The following SPOCD1 variants were observed in gnomAD, a reference collection of about 807,000 sequenced individuals.
SPOCD1 encodes the protein SPOC domain containing 1.
SPOCD1 carries 64 observed loss-of-function variants against 92.2 expected under a neutral mutation model. That is an observed-to-expected ratio of 0.69 (90% CI 0.57 to 0.86). The LOEUF (loss-of-function observed/expected upper bound fraction) is 0.86, where lower values mean the gene tolerates loss of function less well. Among genes scored for constraint, SPOCD1 ranks in the 40% least tolerant of loss-of-function variants. The probability of loss-of-function intolerance (pLI) is 0.00; values close to 1 mark genes in which losing one functional copy is unlikely to be tolerated. For synonymous variants in SPOCD1, 578 were observed against 619.3 expected (o/e 0.93, Z 0.99); for missense variants, 1,360 against 1,543.1 (o/e 0.88, Z 1.99).
At position 31,806,290 on chromosome 1, in the gene SPOCD1, C is replaced by A. The variant is rs139243691; in HGVS notation, c.1384-4585G>T. Among the ~76,000 whole-genome samples, 356 of 152,048 alleles carry A rather than the reference C, an allele frequency of 2.3e-3. 1 individual carries two copies. The highest frequency in any genetic ancestry group is 7.7e-3 in the African/African-American group (319 of 41,488). ...ATATAAATATATACGGAATATTAAT[C>A]CTAATAACTAGAGAATACATATTAT... is the stretch of plus-strand genomic sequence containing the variant. On this transcript the variant is annotated intron_variant, in intron 2 of 15. Coordinates refer to ENST00000360482, the MANE Select transcript of SPOCD1 (RefSeq NM_144569.7).
Position 31,794,190 on chromosome 1 carries a change from C to T in SPOCD1, c.2317G>A (p.Ala773Thr), listed in dbSNP as rs34341430. 30,039 of 1,613,802 alleles carry T rather than the reference C, an allele frequency of 0.019. 326 individuals are homozygous for T. The highest frequency in any genetic ancestry group is 0.021 in the Non-Finnish European group (25,351 of 1,179,836). The change falls in exon 11 of 16, where the codon GCA becomes ACA. Residue 773 changes from alanine (A) to threonine (T), a missense_variant. Around this residue, in one of 3 missense-constraint regions of SPOCD1, gnomAD observed 614 missense variants for 757.8 expected, o/e 0.81. Transcript: ENST00000360482. ...TGCTGCCCCGTGGTGTCCTCTGATG[C>T]GATGGGCAGGGCCTGTGGGCTGCAG... ...MDCSPQALPI[A>T]SEDTTGQHDH...
intron 2 of SPOCD1, among the ~76,000 whole-genome samples, chr1:31,805,596 C>T (rs1648769830): frequency 6.6e-6 from 1 of 151,910 alleles, no homozygotes; most frequent in African/African-American, 2.4e-5. Context: ...GGCACAGTGG[C>T]ATGCACCCGT....
chr1:31,815,614 TGA>T (rs1570220162), intron 1 of SPOCD1: 2 of 356,960 alleles, frequency 5.6e-6, no homozygotes, highest in East Asian at 8.4e-5. Context: ...TTCTTGTCTC[TGA>T]GAGTTCACAC....
rs2149122516 is a variant in SPOCD1, at chr1:31,814,077, G to A, written c.1257C>T (p.Ser419=). Reference sequence around the variant, plus strand: ...CTTTCTTCAGGTTCTTAGTGCCCTTGGATCTTCTCTGCTCCATGAATGGGC... The same window carrying A: ...CTTTCTTCAGGTTCTTAGTGCCCTTAGATCTTCTCTGCTCCATGAATGGGC... ...CSGPFMEQRR[S]KGTKNLKKGP... is the part of the protein sequence containing the mutation. Residue 419 remains serine (S), a synonymous_variant, in exon 2 of 16, where the codon TCC becomes TCT. Transcript: ENST00000360482. The surrounding 1 kb of genome is among the most constrained non-coding windows in gnomAD (Gnocchi z 4.2). 1 of 1,613,718 alleles carries A rather than the reference G, an allele frequency of 6.2e-7. No individual in the cohort carries two copies.
chr1:31,792,487 C>T (rs759739759), intron 14 of SPOCD1, 86 bp from the exon 15 acceptor site: 1 of 1,425,058 alleles, frequency 7.0e-7, no homozygotes, highest in African/African-American at 1.4e-5. Flanking sequence ...CCCCTGAGAA[C>T]CCCGTGAGAA....
At chr1:31,810,045 C>T (rs1010375148) in intron 2 of SPOCD1, among the ~76,000 whole-genome samples, 1 of 152,178 alleles carries the variant, frequency 6.6e-6, no homozygotes, top group African/African-American at 2.4e-5. Context: ...ACTTCCCTTG[C>T]CTAGACCCAG....
chr1:31,795,719 C>T (rs1275439785), intron 10 of SPOCD1: 3 of 152,194 alleles, frequency 2.0e-5, no homozygotes, highest in Non-Finnish European at 4.4e-5. Context: ...GGATTTCTGT[C>T]GTTCACTGTC....
chr1:31,793,786 G>C lies in SPOCD1; in HGVS notation c.2495C>G (p.Pro832Arg). The C allele has an allele frequency of 6.2e-7, 1 of 1,614,148 alleles. No individual in the cohort carries two copies. Among genetic ancestry groups the C allele is most frequent in the Non-Finnish European group, 8.5e-7 (1 of 1,180,018 alleles). The change falls in exon 12 of 16, where the codon CCC (proline) becomes CGC (arginine). Residue 832 changes from proline (P) to arginine (R), a missense_variant. Coordinates refer to ENST00000360482, the MANE Select transcript of SPOCD1 (RefSeq NM_144569.7). ...CGTGGGAGACAACTCCCTGGTTTTG[G>C]GCATCTCTGGAGCAGGCATAGGAGT... ...SQTPMPAPEM[P>R]KTRELSPTEP...
rs756638266 is a variant in SPOCD1 at position 31,794,286 on chromosome 1, C to T, written c.2272-51G>A. On this transcript the variant is annotated intron_variant, in intron 10 of 15. Coordinates refer to ENST00000360482, the MANE Select transcript of SPOCD1 (RefSeq NM_144569.7). ...GGCTGAAAACGTGGCTGGGGGTGCCCGGAGGCCTCCATGGGTAGGGGGCCC... is the reference window on the plus strand; with the variant it reads ...GGCTGAAAACGTGGCTGGGGGTGCCTGGAGGCCTCCATGGGTAGGGGGCCC... 1.1e-5 allele frequency: 16 copies of T among 1,439,786 alleles called. No homozygotes were observed. The East Asian group carries it at 1.7e-4, about 15-fold the overall frequency. The allele number at this position is 1,439,786 out of a possible 1,614,324, so 89.2% of individuals were successfully genotyped here.
At chr1:31,807,158 G>C (rs1304255166) in intron 2 of SPOCD1, among the ~76,000 whole-genome samples, 1 of 149,214 alleles carries the variant, frequency 6.7e-6, no homozygotes, top group African/African-American at 2.5e-5. Context: ...GAGGTCAGGC[G>C]GGTTGATCAC....
chr1:31,799,966 T>G, intron 5 of SPOCD1, 50 bp downstream of exon 5: 1 of 1,611,700 alleles, frequency 6.2e-7, no homozygotes, highest in Non-Finnish European at 8.5e-7. Flanking sequence ...ACGTCCTCCC[T>G]GACCCATGCT....
chr1:31,799,632 C>A, intron 6 of SPOCD1, 147 bp from the exon 7 acceptor site: 1 of 1,089,680 alleles, frequency 9.2e-7, no homozygotes, highest in Non-Finnish European at 1.3e-6. Flanking sequence ...GGGAGCCAAG[C>A]CCAGGCAGCC....
chr1:31,801,538 G>C, intron 3 of SPOCD1, 126 bp downstream of exon 3: 1 of 777,730 alleles, frequency 1.3e-6, no homozygotes, highest in Non-Finnish European at 2.2e-6. Flanking sequence ...GGAGCACTAG[G>C]ATCCACTGGG....
At chr1:31,810,844 G>C (rs1303482907) in intron 2 of SPOCD1, among the ~76,000 whole-genome samples, 2 of 152,184 alleles carry the variant, frequency 1.3e-5, no homozygotes, top group Non-Finnish European at 2.9e-5. Flanking sequence ...TCTGGGTCAG[G>C]CCAGAGGAGC....
intron 2 of SPOCD1, among the ~76,000 whole-genome samples, chr1:31,803,975 G>A (rs2149110313): frequency 6.6e-6 from 1 of 152,168 alleles, no homozygotes; most frequent in African/African-American, 2.4e-5. Context: ...TAAAGAAATA[G>A]GGCTAAGAAT....
intron 7 of SPOCD1, among the ~76,000 whole-genome samples, chr1:31,799,132 T>C (rs1648245446): frequency 6.6e-6 from 1 of 152,130 alleles, no homozygotes; most frequent in Admixed American, 6.5e-5. Context: ...CGTGAAAGCA[T>C]TTGCTGCGGG....
Position 31,798,272 on chromosome 1 carries a change from G to GCACCAGGT in SPOCD1, c.2072_2079dup (p.Arg694ThrfsTer5), listed in dbSNP as rs773844459. On this transcript the variant is annotated frameshift_variant, in exon 9 of 16. Coordinates refer to ENST00000360482, the MANE Select transcript of SPOCD1 (RefSeq NM_144569.7). LOFTEE classifies it high-confidence loss of function. The surrounding 1 kb of genome is among the most constrained non-coding windows in gnomAD (Gnocchi z 4.1). ...GGGGCCAGCTGCATCGAGCTCATCC[G>GCACCAGGT]CACCAGGTCGTAGGGGGTGACATCT... 2.2e-5 allele frequency: 36 copies of GCACCAGGT among 1,613,894 alleles called. No individual in the cohort carries two copies. Among genetic ancestry groups the GCACCAGGT allele is most frequent in the Non-Finnish European group, 3.1e-5 (36 of 1,180,028 alleles).
At chr1:31,795,594 G>A (rs535436300) in intron 10 of SPOCD1, 2 of 151,990 alleles carry the variant, frequency 1.3e-5, no homozygotes, top group Non-Finnish European at 2.9e-5. Flanking sequence ...GTTTGTTCAG[G>A]GAATACAAAC....
chr1:31,802,202 A>G (rs1281991703), intron 2 of SPOCD1, among the ~76,000 whole-genome samples: 1 of 152,194 alleles, frequency 6.6e-6, no homozygotes, highest in Non-Finnish European at 1.5e-5. Flanking sequence ...ATGGTTAATA[A>G]ATGGTGACAC....
Sources: allele counts gnomAD v4.1 joint callset (sites outside exome capture counted in the v4.1 genomes callset), GRCh38; gene constraint gnomAD v4.1.1; regional missense constraint gnomAD v4.1.1; non-coding constraint Gnocchi (gnomAD v3.1); transcripts MANE v1.5; gene names NCBI Gene and HGNC (gene_info 2026-07-23, HGNC 2026-07-21).